PANK2: variants seen among roughly 807,000 people sequenced by gnomAD.
The protein encoded by PANK2 is pantothenate kinase 2.
PANK2 carries 36 observed loss-of-function variants against 43.1 expected under a neutral mutation model. The ratio of observed to expected loss-of-function variants is 0.84; its 90% CI spans 0.64 to 1.10. PANK2 has a LOEUF of 1.10. Ranked by LOEUF, PANK2 falls within the 50% of genes least tolerant of loss-of-function variation. The pLI is 0.00. For missense variants in PANK2, 576 were observed against 593.3 expected (o/e 0.97, Z 0.30); for synonymous variants, 281 against 238.2 (o/e 1.18, Z -1.66).
upstream of PANK2, chr20:3,889,010 C>A (rs1053907469): frequency 3.8e-6 from 4 of 1,061,452 alleles, no homozygotes; most frequent in Non-Finnish European, 1.3e-6. Context: ...CGGCACGGAG[C>A]AGCGGGGTGG....
Position 3,927,307 on chromosome 20 carries a change from A to G in PANK2, c.*4013A>G, listed in dbSNP as rs2090736167. 6.6e-6 allele frequency: 1 copy of G among 152,208 alleles called. No homozygotes were observed. The highest frequency in any genetic ancestry group is 1.5e-5 in the Non-Finnish European group (1 of 68,040). The allele number at this position is 152,208 out of a possible 1,614,324, so 9.4% of individuals were successfully genotyped here. On this transcript the variant is annotated 3_prime_UTR_variant, in exon 7 of 7. Coordinates refer to ENST00000610179, the MANE Select transcript of PANK2 (RefSeq NM_001386393.1). Reference sequence around the variant, plus strand: ...CTCTGTTCAAAGGCATATGCACAACACTATTTTTCAAAATTTGCTTTTATT... The same window carrying G: ...CTCTGTTCAAAGGCATATGCACAACGCTATTTTTCAAAATTTGCTTTTATT...
chr20:3,889,092 A>AGAGGCATGCACAAGTG (rs1568548817), upstream of PANK2: 5 of 1,531,654 alleles, frequency 3.3e-6, no homozygotes, highest in Non-Finnish European at 4.4e-6. Context: ...GGGCGGAAGG[A>AGAGGCATGCACAAGTG]GGGGGTGGAT....
chr20:3,889,978 C>A, intron 1 of PANK2: 1 of 1,460,554 alleles, frequency 6.8e-7, no homozygotes, highest in Non-Finnish European at 9.2e-7. Flanking sequence ...TCCCCAGGAC[C>A]TGTCCTCCCT....
rs137852969 is a variant in PANK2 at position 3,889,633 on chromosome 20, C to A, written c.203C>A (p.Ser68Ter). The change falls in exon 1 of 7, where the codon TCG becomes TAG. Residue 68 changes from serine (S) to a stop codon, truncating the protein, a stop_gained. Transcript: ENST00000610179. LOFTEE classifies it high-confidence loss of function. ...GCGTCGGTGCCCGCGGTCGGGGCCT[C>A]GGCTGAGGGCACGAGGCGGGATCGA... The A allele has an allele frequency of 1.9e-6, 3 of 1,568,744 alleles. No individual in the cohort carries two copies. Among genetic ancestry groups the A allele is most frequent in the Non-Finnish European group, 2.6e-6 (3 of 1,166,212 alleles).
At chr20:3,913,776 A>T in intron 4 of PANK2, among the ~76,000 whole-genome samples, 1 of 39,730 alleles carries the variant, frequency 2.5e-5, no homozygotes, top group Non-Finnish European at 8.4e-5. Context: ...ACACACACAC[A>T]TATATATATA....
rs748594951 is a variant in PANK2, at chr20:3,916,979, C to T, written c.1135C>T (p.Leu379=). ...GCGAGAGGCTGTCAGTAAAGAGGAC[C>T]TGGCCAGAGCGACTTTGATCACCAT... The change falls in exon 5 of 7, where the codon CTG becomes TTG. Residue 379 remains leucine (L), a synonymous_variant. Transcript: ENST00000610179. 3 of 1,613,942 alleles carry T rather than the reference C, an allele frequency of 1.9e-6. No individual in the cohort carries two copies. Among genetic ancestry groups the T allele is most frequent in the Non-Finnish European group, 2.5e-6 (3 of 1,180,012 alleles).
chr20:3,898,482 G>A (rs2090247138), intron 1 of PANK2, among the ~76,000 whole-genome samples: 1 of 152,112 alleles, frequency 6.6e-6, no homozygotes, highest in Non-Finnish European at 1.5e-5. Context: ...TTATAGGCAT[G>A]AGCTGCCTCG....
intron 1 of PANK2, among the ~76,000 whole-genome samples, chr20:3,904,606 C>T (rs1218594130): frequency 6.6e-6 from 1 of 152,084 alleles, no homozygotes; most frequent in African/African-American, 2.4e-5. Flanking sequence ...TAAATAGAAA[C>T]AGTTTTGCAT....
intron 6 of PANK2, among the ~76,000 whole-genome samples, chr20:3,922,109 G>A (rs746534175): frequency 6.6e-6 from 1 of 152,246 alleles, no homozygotes; most frequent in African/African-American, 2.4e-5. Flanking sequence ...GAAAGATAGA[G>A]TGGTAGTTAT....
Position 3,910,577 on chromosome 20 carries a change from A to G in PANK2, c.652A>G (p.Ile218Val), listed in dbSNP as rs1271966967. The G allele has an allele frequency of 3.7e-6, 6 of 1,614,078 alleles. No individual in the cohort carries two copies. In the Admixed American group the frequency reaches 5.0e-5, roughly 13 times the overall value. The change falls in exon 3 of 7, where the codon ATA (isoleucine) becomes GTA (valine). Residue 218 changes from isoleucine to valine, a missense_variant and splice_region_variant. Coordinates refer to ENST00000610179, the MANE Select transcript of PANK2 (RefSeq NM_001386393.1). ...TGAGTACATTCTTATTTCATTACAG[A>G]TAGGTGATCTTCAGCTTTGCAAACT...
intron 4 of PANK2, among the ~76,000 whole-genome samples, chr20:3,916,352 A>T (rs1350749694): frequency 6.6e-6 from 1 of 152,080 alleles, no homozygotes; most frequent in Non-Finnish European, 1.5e-5. Flanking sequence ...AATGCTGTTG[A>T]TTTTCTGTTT....
chr20:3,907,125 A>T (rs2090400352), intron 1 of PANK2, among the ~76,000 whole-genome samples: 1 of 50,558 alleles, frequency 2.0e-5, no homozygotes, highest in African/African-American at 5.9e-5. Flanking sequence ...TTTTTTTGAG[A>T]CAGAGCCTCA....
At chr20:3,892,743 T>C (rs891251747) in intron 1 of PANK2, among the ~76,000 whole-genome samples, 1 of 151,600 alleles carries the variant, frequency 6.6e-6, no homozygotes, top group Non-Finnish European at 1.5e-5. Flanking sequence ...AGATACTAGT[T>C]GTCATTTGAA....
chr20:3,906,570 G>A (rs765214453), intron 1 of PANK2, among the ~76,000 whole-genome samples: 30 of 152,102 alleles, frequency 2.0e-4, no homozygotes, highest in Admixed American at 1.3e-4. Flanking sequence ...CATAAAGCTA[G>A]ATGATTTAAT....
At chr20:3,922,548 C>T (rs1211437039) in intron 6 of PANK2, among the ~76,000 whole-genome samples, 2 of 152,164 alleles carry the variant, frequency 1.3e-5, no homozygotes, top group South Asian at 4.1e-4. Flanking sequence ...TCCTGTGCCG[C>T]CTGCTTCTGG....
At chr20:3,890,996 A>G (rs567530780) in intron 1 of PANK2, among the ~76,000 whole-genome samples, 1 of 152,338 alleles carries the variant, frequency 6.6e-6, no homozygotes, top group South Asian at 2.1e-4. Context: ...TGTAAATTCC[A>G]AAGATTCAGC....
At chr20:3,918,387 T>C (rs532160126) in intron 5 of PANK2, among the ~76,000 whole-genome samples, 43 of 152,320 alleles carry the variant, frequency 2.8e-4, no homozygotes, top group Non-Finnish European at 5.9e-4. Context: ...TTTTAACTTA[T>C]CTGTATAAAA....
intron 3 of PANK2, among the ~76,000 whole-genome samples, chr20:3,912,242 G>A (rs2090478960): frequency 6.6e-6 from 1 of 152,104 alleles, no homozygotes; most frequent in African/African-American, 2.4e-5. Context: ...TGGGGACATG[G>A]GCCCTGTGTT....
chr20:3,896,800 A>G (rs1433091941), intron 1 of PANK2, among the ~76,000 whole-genome samples: 1 of 152,188 alleles, frequency 6.6e-6, no homozygotes, highest in Non-Finnish European at 1.5e-5. Flanking sequence ...ACTGTGTACT[A>G]TGCGTCTCTT....
Sources: gnomAD v4.1 joint callset for allele counts (sites outside exome capture counted in the v4.1 genomes callset) on GRCh38, gnomAD v4.1.1 for gene constraint, MANE v1.5 for transcripts, NCBI Gene and HGNC (gene_info 2026-07-23, HGNC 2026-07-21) for gene names.